The following LRRTM4 variants were observed in gnomAD, a reference collection of about 807,000 sequenced individuals.
LRRTM4 encodes leucine rich repeat transmembrane neuronal 4.
Under a neutral mutation model 47.6 loss-of-function variants are expected in LRRTM4, and 25 were observed. The ratio of observed to expected loss-of-function variants is 0.53; its 90% CI spans 0.38 to 0.73. The LOEUF (loss-of-function observed/expected upper bound fraction) is 0.73. Ranked by LOEUF, LRRTM4 falls within the 30% of genes least tolerant of loss-of-function variation. The pLI is 0.00. For missense variants in LRRTM4, 638 were observed against 713.4 expected, an observed-to-expected ratio of 0.89 and a Z score of 1.20; for synonymous variants, 311 against 269.5, an observed-to-expected ratio of 1.15 and a Z score of -1.51.
intron 3 of LRRTM4, among the ~76,000 whole-genome samples, chr2:77,408,752 C>A (rs1419079556): frequency 6.6e-6 from 1 of 152,060 alleles, no homozygotes; most frequent in East Asian, 1.9e-4. Context: ...CTCTGTATCC[C>A]CATTAGACTA....
At chr2:76,809,016 A>G (rs1445386253) in intron 3 of LRRTM4, among the ~76,000 whole-genome samples, 1 of 152,072 alleles carries the variant, frequency 6.6e-6, no homozygotes, top group Non-Finnish European at 1.5e-5. Flanking sequence ...GGTTTTCTCA[A>G]CCATATTTTA....
At chr2:76,968,383 T>TATATACAC (rs797010446) in intron 3 of LRRTM4, among the ~76,000 whole-genome samples, 29 of 111,420 alleles carry the variant, frequency 2.6e-4, no homozygotes, top group South Asian at 6.3e-4. Context: ...TATATATATA[T>TATATACAC]ACACATACAT....
chr2:76,885,486 G>C (rs1270237832), intron 3 of LRRTM4, among the ~76,000 whole-genome samples: 1 of 136,528 alleles, frequency 7.3e-6, no homozygotes, highest in Admixed American at 8.0e-5. Flanking sequence ...TTTTTGAGAC[G>C]AAGTCTCGCT....
At chr2:76,889,835 GAA>G (rs1673194428) in intron 3 of LRRTM4, among the ~76,000 whole-genome samples, 1 of 151,874 alleles carries the variant, frequency 6.6e-6, no homozygotes, top group African/African-American at 2.4e-5. Flanking sequence ...GAAAGAGAGA[GAA>G]AGAGGGAGAG....
At chr2:77,188,901 G>T (rs577855116) in intron 3 of LRRTM4, among the ~76,000 whole-genome samples, 1 of 152,144 alleles carries the variant, frequency 6.6e-6, no homozygotes, top group East Asian at 1.9e-4. Context: ...ATGTCTTAAA[G>T]TTGTCCACTT....
chr2:76,940,556 T>G (rs1675102864), intron 3 of LRRTM4, among the ~76,000 whole-genome samples: 1 of 152,026 alleles, frequency 6.6e-6, no homozygotes, highest in Admixed American at 6.6e-5. Flanking sequence ...AACACATGGG[T>G]GACAAAATAA....
chr2:76,940,594 G>C (rs550455043), intron 3 of LRRTM4, among the ~76,000 whole-genome samples: 215 of 152,208 alleles, frequency 1.4e-3, no homozygotes, highest in African/African-American at 4.8e-3. Context: ...CATGACACGA[G>C]TTTACCTATA....
chr2:77,243,627 C>T (rs1416161423), intron 3 of LRRTM4, among the ~76,000 whole-genome samples: 1 of 151,022 alleles, frequency 6.6e-6, no homozygotes, highest in East Asian at 1.9e-4. Flanking sequence ...GAGATGGTTG[C>T]ACAACAATGT....
intron 3 of LRRTM4, among the ~76,000 whole-genome samples, chr2:77,161,084 A>G (rs559192973): frequency 6.6e-6 from 1 of 152,172 alleles, no homozygotes; most frequent in Non-Finnish European, 1.5e-5. Context: ...CAGCTATGAC[A>G]AGCAGGGACC....
chr2:76,901,475 A>G (rs1461582885), intron 3 of LRRTM4, among the ~76,000 whole-genome samples: 2 of 144,406 alleles, frequency 1.4e-5, no homozygotes, highest in Non-Finnish European at 2.9e-5. Context: ...ACTGTGACTT[A>G]GACAGAAAAA....
chr2:77,063,987 T>A (rs1323111250), intron 3 of LRRTM4, among the ~76,000 whole-genome samples: 1 of 152,150 alleles, frequency 6.6e-6, no homozygotes, highest in African/African-American at 2.4e-5. Flanking sequence ...AGAAAAGACA[T>A]TAAGTTTACT....
chr2:76,767,598 C>T (rs570001877), intron 3 of LRRTM4, among the ~76,000 whole-genome samples: 22 of 152,206 alleles, frequency 1.4e-4, no homozygotes, highest in African/African-American at 5.3e-4. Context: ...AGTTTATCAT[C>T]CAAGTGTGAA....
chr2:76,880,836 A>G (rs1188484462), intron 3 of LRRTM4, among the ~76,000 whole-genome samples: 1 of 152,188 alleles, frequency 6.6e-6, no homozygotes, highest in African/African-American at 2.4e-5. Context: ...ACAAGAATCC[A>G]ATTGGTATTT....
intron 3 of LRRTM4, among the ~76,000 whole-genome samples, chr2:76,950,904 G>A (rs1309384532): frequency 6.6e-6 from 1 of 151,986 alleles, no homozygotes; most frequent in Non-Finnish European, 1.5e-5. Flanking sequence ...CTGACAATGT[G>A]TCTTCAAATA....
At chr2:77,231,286 T>C (rs999572557) in intron 3 of LRRTM4, among the ~76,000 whole-genome samples, 13 of 151,830 alleles carry the variant, frequency 8.6e-5, no homozygotes, top group African/African-American at 2.9e-4. Flanking sequence ...TAGGCAATGT[T>C]TGGCAATATG....
chr2:77,129,527 CTTCAT>C (rs1671740456), intron 3 of LRRTM4, among the ~76,000 whole-genome samples: 1 of 152,158 alleles, frequency 6.6e-6, no homozygotes, highest in African/African-American at 2.4e-5. Context: ...TAAAAATATG[CTTCAT>C]TTCATCCTCA....
chr2:77,165,408 T>C (rs1206265024), intron 3 of LRRTM4, among the ~76,000 whole-genome samples: 1 of 152,146 alleles, frequency 6.6e-6, no homozygotes, highest in Non-Finnish European at 1.5e-5. Flanking sequence ...TGCCACTCCT[T>C]CTGAAACTAT....
chr2:77,219,308 C>T (rs1190326067), intron 3 of LRRTM4, among the ~76,000 whole-genome samples: 2 of 152,016 alleles, frequency 1.3e-5, no homozygotes, highest in African/African-American at 4.8e-5. Flanking sequence ...TCTACTTTGC[C>T]TATATAAGGG....
chr2:77,061,669 G>T (rs1679789883), intron 3 of LRRTM4, among the ~76,000 whole-genome samples: 1 of 152,100 alleles, frequency 6.6e-6, no homozygotes. Context: ...ACATATATAT[G>T]TATCAAACCA....
Sources: gnomAD v4.1 joint callset for allele counts (sites outside exome capture counted in the v4.1 genomes callset) on GRCh38, gnomAD v4.1.1 for gene constraint, MANE v1.5 for transcripts, NCBI Gene and HGNC (gene_info 2026-07-23, HGNC 2026-07-21) for gene names.